Variants in CCDC171 observed in about 807,000 individuals in gnomAD.
CCDC171 encodes coiled-coil domain-containing protein 171.
CCDC171 carries 177 observed loss-of-function variants against 168.2 expected under a neutral mutation model. The observed-to-expected ratio is 1.05, with a 90% confidence interval of 0.93 to 1.19. The LOEUF is 1.19. Ranked by LOEUF, CCDC171 falls within the 50% of genes most tolerant of loss-of-function variation. The pLI, the probability that CCDC171 is intolerant of heterozygous loss-of-function variation, is 0.00. For missense variants in CCDC171, 1,991 were observed against 1,539.0 expected (o/e 1.29, Z -4.91); for synonymous variants, 687 against 540.8 (o/e 1.27, Z -3.75).
chr9:15,745,721 A>AG (rs2055225621), intron 18 of CCDC171, 90 bp downstream of exon 18: 1 of 675,788 alleles, frequency 1.5e-6, no homozygotes, highest in East Asian at 2.9e-5. Flanking sequence ...TAAAACATAT[A>AG]GGGGGAAATA....
intron 3 of CCDC171, among the ~76,000 whole-genome samples, chr9:15,574,278 G>T (rs2040461156): frequency 6.6e-6 from 1 of 152,050 alleles, no homozygotes; most frequent in Non-Finnish European, 1.5e-5. Flanking sequence ...CTGCGTAGCT[G>T]GGATTACAGG....
intron 3 of CCDC171, among the ~76,000 whole-genome samples, chr9:16,015,114 A>T (rs1392172845): frequency 2.0e-5 from 3 of 152,136 alleles, no homozygotes; most frequent in Non-Finnish European, 4.4e-5. Context: ...CTTAAAGTCT[A>T]ATAAAAAAAA....
intron 24 of CCDC171, among the ~76,000 whole-genome samples, chr9:15,878,442 C>A (rs1333745082): frequency 6.6e-6 from 1 of 151,912 alleles, no homozygotes; most frequent in East Asian, 1.9e-4. Context: ...CATCTCACAC[C>A]AGTCAAAATG....
At chr9:16,078,552 A>C in the CCDC171 span, among the ~76,000 whole-genome samples, 4 of 152,190 alleles carry the variant, frequency 2.6e-5, no homozygotes, top group Non-Finnish European at 5.9e-5. Flanking sequence ...TGGAAGTTTT[A>C]GTGATTTGAT....
At chr9:16,076,972 C>G in the CCDC171 span, among the ~76,000 whole-genome samples, 7 of 152,196 alleles carry the variant, frequency 4.6e-5, no homozygotes, top group Non-Finnish European at 8.8e-5. Flanking sequence ...GGATAATCGT[C>G]TTCTAAATAG....
intron 18 of CCDC171, 111 bp from the exon 19 acceptor site, chr9:15,777,489 G>T: frequency 1.6e-6 from 1 of 618,576 alleles, no homozygotes. Context: ...ATTACTACAG[G>T]TGAATGGGAA....
intron 6 of CCDC171, among the ~76,000 whole-genome samples, chr9:15,612,644 TA>T (rs1392365111): frequency 5.9e-5 from 9 of 152,312 alleles, no homozygotes; most frequent in African/African-American, 2.2e-4. Flanking sequence ...GAGTTTTGAC[TA>T]TTTTCTTGGT....
At position 15,655,465 on chromosome 9, in the gene CCDC171, G is replaced by T. The variant is rs371857328; in HGVS notation, c.823-1662G>T. On this transcript the variant is annotated intron_variant, in intron 7 of 25. Transcript: ENST00000380701. ...ACTAGTAATCCGCTACTTCCCAGGG[G>T]TGCATTTTCTGAACAAAAATTGTAT... Among the ~76,000 whole-genome samples the T allele has an allele frequency of 9.1e-4, 138 of 152,214 alleles. 2 individuals are homozygous for T. The highest frequency in any genetic ancestry group is 3.0e-3 in the African/African-American group (123 of 41,540).
chr9:15,996,226 A>G (rs1260607317), intron 3 of CCDC171, among the ~76,000 whole-genome samples: 1 of 152,168 alleles, frequency 6.6e-6, no homozygotes, highest in African/African-American at 2.4e-5. Flanking sequence ...CACAGAGCAG[A>G]GAATAAGCAG....
chr9:15,874,625 G>A lies in CCDC171; in HGVS notation c.3562G>A (p.Glu1188Lys), dbSNP rs147216247. The change falls in exon 24 of 26, where the codon GAG (glutamate) becomes AAG (lysine). Residue 1188 changes from glutamate (E) to lysine (K), a missense_variant. Physicochemically the swap from Glu to Lys is moderately conservative, Grantham distance 56. Transcript: ENST00000380701. ...PKLHLETFAMEGLKGGPEVVA... is the reference protein window; with the variant it reads ...PKLHLETFAMKGLKGGPEVVA... Reference sequence around the variant, plus strand: ...ACTGCACCTGGAGACCTTTGCAATGGAGGGGCTCAAGGGCGGGCCAGAGGT... The same window carrying A: ...ACTGCACCTGGAGACCTTTGCAATGAAGGGGCTCAAGGGCGGGCCAGAGGT... 1.6e-5 allele frequency: 26 copies of A among 1,605,530 alleles called. No individual in the cohort carries two copies. Among genetic ancestry groups the A allele is most frequent in the Non-Finnish European group, 2.2e-5 (26 of 1,176,034 alleles).
At chr9:16,052,537 C>A (rs920695313) in intron 1 of CCDC171, among the ~76,000 whole-genome samples, 6 of 152,174 alleles carry the variant, frequency 3.9e-5, no homozygotes, top group Non-Finnish European at 8.8e-5. Flanking sequence ...AAGAGTAACT[C>A]ACTGATCTGC....
intron 7 of CCDC171, among the ~76,000 whole-genome samples, chr9:15,633,128 T>C (rs2045881960): frequency 1.3e-5 from 2 of 152,142 alleles, no homozygotes; most frequent in South Asian, 4.1e-4. Context: ...ACTTCATGTC[T>C]GAAACACCAA....
chr9:16,081,553 C>G, the CCDC171 span, among the ~76,000 whole-genome samples: 3 of 152,140 alleles, frequency 2.0e-5, no homozygotes, highest in African/African-American at 7.2e-5. Flanking sequence ...GGAAAGCCAG[C>G]CTGGTACAAC....
intron 18 of CCDC171, among the ~76,000 whole-genome samples, chr9:15,763,553 A>C (rs2056565018): frequency 6.6e-6 from 1 of 152,172 alleles, no homozygotes; most frequent in Admixed American, 6.5e-5. Context: ...CCACGAATAC[A>C]AAAAACACTC....
intron 21 of CCDC171, among the ~76,000 whole-genome samples, chr9:15,792,254 G>C (rs997252489): frequency 2.6e-5 from 4 of 152,206 alleles, no homozygotes; most frequent in African/African-American, 7.2e-5. Flanking sequence ...GAAATGAAGT[G>C]AGAAGAGAAG....
chr9:15,966,658 C>G (rs10738420), intron 25 of CCDC171, among the ~76,000 whole-genome samples: 51,394 of 151,950 alleles, frequency 0.34, 10,888 homozygotes, highest in East Asian at 0.62. Flanking sequence ...GCACACTGGG[C>G]CCTTAGGGTG....
At chr9:16,058,680 A>G (rs1833882288) in intron 1 of CCDC171, among the ~76,000 whole-genome samples, 1 of 152,218 alleles carries the variant, frequency 6.6e-6, no homozygotes, top group Non-Finnish European at 1.5e-5. Flanking sequence ...GTTTCCTTTG[A>G]GATACTTCAG....
intron 20 of CCDC171, among the ~76,000 whole-genome samples, chr9:15,781,690 G>A (rs1256075267): frequency 6.6e-6 from 1 of 152,154 alleles, no homozygotes; most frequent in African/African-American, 2.4e-5. Context: ...TGGGATTACA[G>A]ATGTGAGCCA....
intron 25 of CCDC171, among the ~76,000 whole-genome samples, chr9:15,929,442 A>G (rs1447895789): frequency 6.6e-6 from 1 of 151,660 alleles, no homozygotes; most frequent in Non-Finnish European, 1.5e-5. Context: ...ACTTTTTTCA[A>G]CACTTCTGTG....
Sources: gnomAD v4.1 joint callset for allele counts (sites outside exome capture counted in the v4.1 genomes callset) on GRCh38, gnomAD v4.1.1 for gene constraint, MANE v1.5 for transcripts, NCBI Gene and HGNC (gene_info 2026-07-23, HGNC 2026-07-21) for gene names.